Variants in RICTOR observed in about 807,000 individuals in gnomAD.
RICTOR encodes the protein RPTOR independent companion of MTOR complex 2, also known as rapamycin-insensitive companion of mTOR.
A neutral mutation model predicts 214.9 loss-of-function variants in RICTOR; 49 were observed. The observed-to-expected ratio is 0.23, with a 90% CI of 0.18 to 0.29. The LOEUF (loss-of-function observed/expected upper bound fraction) is 0.29, where lower values mean the gene tolerates loss of function less well. Among genes scored for constraint, RICTOR ranks in the 10% least tolerant of loss-of-function variants. The pLI, the probability that RICTOR is intolerant of heterozygous loss-of-function variation, is 1.00. For missense variants in RICTOR, 1,625 were observed against 2,047.0 expected (o/e 0.79, Z 3.98); for synonymous variants, 717 against 711.3 (o/e 1.01, Z -0.13).
intron 5 of RICTOR, among the ~76,000 whole-genome samples, chr5:38,999,043 A>AAAAAAAAAAAAAAAC (rs1561514547): frequency 4.9e-5 from 7 of 143,024 alleles, no homozygotes; most frequent in Admixed American, 7.0e-5. Context: ...AAAAAAAAAA[A>AAAAAAAAAAAAAAAC]AAAAAAAACA....
rs1450501001 is a variant in RICTOR, at chr5:38,950,350, A to G, written c.3498T>C (p.Asn1166=). ...TLQLETSFMG[N]KHIEDTGSTP... ...TACTACCAGTGTCTTCAATGTGCTT[A>G]TTCCCCATAAATGAAGTCTCTAATT... Residue 1166 remains asparagine (N), a synonymous_variant, in exon 31 of 38, where the codon AAT becomes AAC. Transcript: ENST00000357387. The G allele has an allele frequency of 6.2e-7, 1 of 1,613,382 alleles. No homozygotes were observed. Among genetic ancestry groups the G allele is most frequent in the Admixed American group, 1.7e-5 (1 of 59,946 alleles).
chr5:39,009,561 C>T (rs1580088340), intron 3 of RICTOR, among the ~76,000 whole-genome samples: 1 of 150,020 alleles, frequency 6.7e-6, no homozygotes, highest in South Asian at 2.1e-4. Flanking sequence ...TTAATTAGTG[C>T]CTATTTTCCA....
chr5:39,017,882 G>A lies in RICTOR; in HGVS notation c.195+3157C>T, dbSNP rs890238475. ...TTTACTTGAGACTCTTTATTGAACT[G>A]TAGATCCTGATTTAGTAGGTCTGGG... On this transcript the variant is annotated intron_variant, in intron 3 of 37. Transcript: ENST00000357387. Among the ~76,000 whole-genome samples, 3 of 152,194 alleles carry A rather than the reference G, an allele frequency of 2.0e-5. No homozygotes were observed. In the East Asian group the frequency reaches 5.8e-4, roughly 29 times the overall value.
At chr5:39,004,621 AG>A (rs1323292507) in intron 3 of RICTOR, among the ~76,000 whole-genome samples, 1 of 151,518 alleles carries the variant, frequency 6.6e-6, no homozygotes, top group Non-Finnish European at 1.5e-5. Context: ...CACCACGCCC[AG>A]CTAATTTTTG....
chr5:39,002,398 G>GTATATA lies in RICTOR; in HGVS notation c.392+136_392+137insTATATA, dbSNP rs1426246316. 25 of 468,060 alleles carry GTATATA rather than the reference G, an allele frequency of 5.3e-5. No homozygotes were observed. In the African/African-American group the frequency reaches 6.7e-4, roughly 13 times the overall value. The allele number at this position is 468,060 out of a possible 1,614,324, so 29.0% of individuals were successfully genotyped here. ...GTTACTTGGTTGTGTGTGTGTGTGT[G>GTATATA]TGTATATATATATATATACACACAC... On this transcript the variant is annotated intron_variant, in intron 5 of 37. Transcript: ENST00000357387.
Position 38,964,781 on chromosome 5 carries a change from C to A in RICTOR, c.1400+11G>T. 7.1e-7 allele frequency: 1 copy of A among 1,408,946 alleles called. No homozygotes were observed. Among genetic ancestry groups the A allele is most frequent in the Non-Finnish European group, 9.9e-7 (1 of 1,008,094 alleles). 87.3% of individuals were successfully genotyped at this position (1,408,946 alleles called of 1,614,324 possible). On this transcript the variant is annotated intron_variant, in intron 16 of 37. Transcript: ENST00000357387. ...ATCAAACAAAAGCTTTGCTAAAGCT[C>A]TGATACTTACAGTCTCTTTTCCTTG...
At chr5:39,013,736 A>G (rs1423924333) in intron 3 of RICTOR, among the ~76,000 whole-genome samples, 1 of 152,136 alleles carries the variant, frequency 6.6e-6, no homozygotes, top group Non-Finnish European at 1.5e-5. Flanking sequence ...CAAAAAAAGT[A>G]GATTGACATG....
intron 3 of RICTOR, among the ~76,000 whole-genome samples, chr5:39,020,630 C>T (rs938307330): frequency 3.9e-5 from 6 of 152,172 alleles, no homozygotes; most frequent in African/African-American, 1.4e-4. Context: ...CCAAAAAACT[C>T]GTGACTTGCT....
Position 38,990,937 on chromosome 5 carries a change from G to A in RICTOR, c.583+12C>T. On this transcript the variant is annotated intron_variant, in intron 7 of 37. Coordinates refer to ENST00000357387, the MANE Select transcript of RICTOR (RefSeq NM_152756.5). ...AAATATTACATTTTCATTACTTGAAGAAAATTCTGACCTAGTTCACAGATA... is the reference window on the plus strand; with the variant it reads ...AAATATTACATTTTCATTACTTGAAAAAAATTCTGACCTAGTTCACAGATA... 1 of 1,574,032 alleles carries A rather than the reference G, an allele frequency of 6.4e-7. No individual in the cohort carries two copies. The highest frequency in any genetic ancestry group is 8.6e-7 in the Non-Finnish European group (1 of 1,157,326).
chr5:38,982,040 A>G lies in RICTOR; in HGVS notation c.584-4T>C, dbSNP rs749098646. The G allele has an allele frequency of 4.3e-5, 68 of 1,599,368 alleles. No individual in the cohort carries two copies. The highest frequency in any genetic ancestry group is 1.7e-5 in the Admixed American group (1 of 59,316). On this transcript the variant is annotated splice_region_variant and splice_polypyrimidine_tract_variant and intron_variant, in intron 7 of 37. Transcript: ENST00000357387. ...ACCACCTCTGGATTCTGAAGTGCTAAAAGAGAAAAACTTAACATATTATAT... is the reference window on the plus strand; with the variant it reads ...ACCACCTCTGGATTCTGAAGTGCTAGAAGAGAAAAACTTAACATATTATAT...
chr5:38,950,366 GTC>G lies in RICTOR; in HGVS notation c.3480_3481del (p.Glu1160AspfsTer7), dbSNP rs775567606. The G allele has an allele frequency of 6.2e-7, 1 of 1,613,222 alleles. No individual in the cohort carries two copies. The highest frequency in any genetic ancestry group is 8.5e-7 in the Non-Finnish European group (1 of 1,179,502). ...AATGTGCTTATTCCCCATAAATGAA[GTC>G]TCTAATTGTAATGTTTTCTGTACAG... On this transcript the variant is annotated frameshift_variant, in exon 31 of 38. Transcript: ENST00000357387. LOFTEE classifies it high-confidence loss of function.
chr5:39,002,443 C>T (rs1004762107), intron 5 of RICTOR, 92 bp downstream of exon 5: 7 of 718,860 alleles, frequency 9.7e-6, no homozygotes, highest in African/African-American at 3.6e-5. Context: ...ATCAAAGTTA[C>T]ACTACAGTAC....
intron 2 of RICTOR, among the ~76,000 whole-genome samples, chr5:39,022,144 G>A (rs1396534273): frequency 6.6e-6 from 1 of 152,168 alleles, no homozygotes; most frequent in Non-Finnish European, 1.5e-5. Context: ...GCTAATGTAA[G>A]TGTTCTGAGA....
In RICTOR at chr5:38,990,830, TATGAGATATATGAG is replaced by T. The variant is rs201419149; in HGVS notation, c.583+105_583+118del. 52 of 145,428 alleles carry T rather than the reference TATGAGATATATGAG, an allele frequency of 3.6e-4. 1 individual carries two copies. Among genetic ancestry groups the T allele is most frequent in the African/African-American group, 1.8e-3 (15 of 8,276 alleles). 9.0% of individuals were successfully genotyped at this position (145,428 alleles called of 1,614,324 possible). A position where few individuals can be genotyped will look rare whatever the true frequency, so the allele number is the denominator to read the frequency against. On this transcript the variant is annotated intron_variant, in intron 7 of 37. Transcript: ENST00000357387. Reference sequence around the variant, plus strand: ...TATGAGATATATGAGATATATGATATATGAGATATATGAGATATATGATATATATATGATAGATA... The same window carrying T: ...TATGAGATATATGAGATATATGATATATATATGATATATATATGATAGATA...
intron 2 of RICTOR, among the ~76,000 whole-genome samples, chr5:39,040,592 A>G (rs1469271172): frequency 2.0e-5 from 3 of 152,124 alleles, no homozygotes; most frequent in African/African-American, 7.2e-5. Context: ...TAAATTTTAA[A>G]CAATGGTCCT....
At chr5:39,047,573 G>C (rs1486605208) in intron 2 of RICTOR, among the ~76,000 whole-genome samples, 3 of 152,116 alleles carry the variant, frequency 2.0e-5, no homozygotes, top group Non-Finnish European at 2.9e-5. Context: ...ATGGTATCCT[G>C]TTTTTATACA....
chr5:38,978,674 A>C (rs928152102), intron 8 of RICTOR, 24 bp from the exon 9 acceptor site: 25 of 1,197,222 alleles, frequency 2.1e-5, no homozygotes, highest in Non-Finnish European at 2.4e-5. Flanking sequence ...AAAAGGAAGA[A>C]AAGAGTCTTT....
intron 2 of RICTOR, among the ~76,000 whole-genome samples, chr5:39,057,300 G>A (rs1001998199): frequency 1.3e-5 from 2 of 152,074 alleles, no homozygotes; most frequent in Non-Finnish European, 2.9e-5. Flanking sequence ...ATTGATGTTG[G>A]TTCCATTGAT....
intron 14 of RICTOR, 30 bp from the exon 15 acceptor site, chr5:38,966,751 T>G: frequency 8.5e-7 from 1 of 1,175,340 alleles, no homozygotes; most frequent in Non-Finnish European, 1.2e-6. Context: ...ACACCACTGT[T>G]GCAAAATAAT....
Sources: gnomAD v4.1 joint callset for allele counts (sites outside exome capture counted in the v4.1 genomes callset) on GRCh38, gnomAD v4.1.1 for gene constraint, MANE v1.5 for transcripts, NCBI Gene and HGNC (gene_info 2026-07-23, HGNC 2026-07-21) for gene names.